Variants in RHBDL2 observed in about 807,000 individuals in gnomAD.
RHBDL2 encodes rhomboid like 2.
Under a neutral mutation model 31.7 loss-of-function variants are expected in RHBDL2, and 26 were observed. The ratio of observed to expected loss-of-function variants is 0.82; its 90% CI spans 0.60 to 1.14. The LOEUF is 1.14. Among genes scored for constraint, RHBDL2 ranks in the 50% most tolerant of loss-of-function variants. RHBDL2 has a pLI of 0.00. For synonymous variants in RHBDL2, 123 were observed against 127.2 expected, an observed-to-expected ratio of 0.97 and a Z score of 0.22; for missense variants, 336 against 364.4, an observed-to-expected ratio of 0.92 and a Z score of 0.63.
chr1:38,893,040 C>A (rs890871508), intron 6 of RHBDL2, 124 bp downstream of exon 6: 2 of 534,872 alleles, frequency 3.7e-6, no homozygotes, highest in South Asian at 3.4e-5. Context: ...ATACCATAGA[C>A]CTCCCAGGTC....
intron 1 of RHBDL2, among the ~76,000 whole-genome samples, chr1:38,929,168 T>C (rs914033581): frequency 6.6e-6 from 1 of 152,198 alleles, no homozygotes; most frequent in Non-Finnish European, 1.5e-5. Flanking sequence ...CCTGTACTCT[T>C]AGCTCCCTCT....
At chr1:38,894,345 T>C (rs1280190746) in intron 5 of RHBDL2, among the ~76,000 whole-genome samples, 1 of 151,950 alleles carries the variant, frequency 6.6e-6, no homozygotes, top group African/African-American at 2.4e-5. Context: ...GTTGTTTGAG[T>C]TGGAGTCTCA....
chr1:38,896,747 AT>A (rs1642923382), intron 4 of RHBDL2, among the ~76,000 whole-genome samples: 2 of 152,174 alleles, frequency 1.3e-5, no homozygotes, highest in African/African-American at 4.8e-5. Flanking sequence ...CTAATCCTAG[AT>A]TTACTGGACC....
At chr1:38,887,568 G>A (rs532170332) in intron 7 of RHBDL2, among the ~76,000 whole-genome samples, 2 of 152,276 alleles carry the variant, frequency 1.3e-5, no homozygotes, top group African/African-American at 4.8e-5. Context: ...GGGATTACAG[G>A]TGACTGCCAC....
chr1:38,925,174 A>T (rs1452027091), intron 1 of RHBDL2, among the ~76,000 whole-genome samples: 1 of 152,094 alleles, frequency 6.6e-6, no homozygotes, highest in Non-Finnish European at 1.5e-5. Context: ...TGCACTACAT[A>T]CCACATAGTG....
At chr1:38,920,166 C>CT (rs71057165) in intron 1 of RHBDL2, among the ~76,000 whole-genome samples, 72,662 of 110,406 alleles carry the variant, frequency 0.66, 25,713 homozygotes, top group Admixed American at 0.7. Flanking sequence ...CACATGTTTT[C>CT]TTTTTTTTTT....
intron 5 of RHBDL2, among the ~76,000 whole-genome samples, chr1:38,894,424 G>A (rs565762427): frequency 6.6e-6 from 1 of 152,206 alleles, no homozygotes; most frequent in Admixed American, 6.6e-5. Flanking sequence ...CCGGGTTCAA[G>A]CGATTCTCCT....
chr1:38,906,812 A>G (rs1643072907), intron 4 of RHBDL2, among the ~76,000 whole-genome samples: 1 of 152,240 alleles, frequency 6.6e-6, no homozygotes, highest in South Asian at 2.1e-4. Flanking sequence ...GAAACACTCA[A>G]TATAGAAAAT....
At chr1:38,925,129 G>A (rs16866188) in intron 1 of RHBDL2, among the ~76,000 whole-genome samples, 8,939 of 152,110 alleles carry the variant, frequency 0.059, 391 homozygotes, top group East Asian at 0.2. Context: ...CCTGACATTT[G>A]CAAGAGATTT....
At chr1:38,929,573 T>G in intron 1 of RHBDL2, 1 of 1,288,086 alleles carries the variant, frequency 7.8e-7, no homozygotes. Flanking sequence ...ACCCATTCAT[T>G]GGTACCAGGC....
chr1:38,914,311 G>A (rs190096541), intron 3 of RHBDL2, among the ~76,000 whole-genome samples: 14 of 151,524 alleles, frequency 9.2e-5, no homozygotes, highest in African/African-American at 2.9e-4. Flanking sequence ...GCGCGATCTC[G>A]GCACACTGCA....
intron 4 of RHBDL2, among the ~76,000 whole-genome samples, chr1:38,903,912 A>G (rs1174758599): frequency 6.6e-6 from 1 of 152,218 alleles, no homozygotes; most frequent in Non-Finnish European, 1.5e-5. Flanking sequence ...TAACACACTC[A>G]TATATACAAA....
chr1:38,919,066 G>C lies in RHBDL2; in HGVS notation c.147C>G (p.Val49=). The C allele has an allele frequency of 1.2e-6, 2 of 1,614,160 alleles. No homozygotes were observed. The highest frequency in any genetic ancestry group is 1.7e-6 in the Non-Finnish European group (2 of 1,180,032). Residue 49 remains valine, a synonymous_variant, in exon 2 of 8, where the codon GTC becomes GTG. Coordinates refer to ENST00000372990, the MANE Select transcript of RHBDL2 (RefSeq NM_017821.5). ...ACTTTTCGGGCAGCATCCATTTTGAGACAATCCTGTGGACCTTTTTACTCT... is the reference window on the plus strand; with the variant it reads ...ACTTTTCGGGCAGCATCCATTTTGACACAATCCTGTGGACCTTTTTACTCT... ...RAKSKKVHRI[V]SKWMLPEKSR...
At chr1:38,941,639 G>C (rs1643560404) in intron 1 of RHBDL2, 43 bp downstream of exon 1, 1 of 152,658 alleles carries the variant, frequency 6.6e-6, no homozygotes, top group Non-Finnish European at 1.5e-5. Flanking sequence ...CCCTTGTCCT[G>C]ACATAGGACT....
At position 38,930,168 on chromosome 1, in the gene RHBDL2, C is replaced by T. The variant is rs145575726; in HGVS notation, c.-125-10831G>A. Among the ~76,000 whole-genome samples, 8 of 152,216 alleles carry T rather than the reference C, an allele frequency of 5.3e-5. No individual in the cohort carries two copies. The East Asian group carries it at 1.5e-3, about 29-fold the overall frequency. On this transcript the variant is annotated intron_variant, in intron 1 of 7. Transcript: ENST00000372990. ...ATGGTTCAGGGTAGGGGGACCAGAGCCCCAGTCACATGCAGGGCCTCTCGG... is the reference window on the plus strand; with the variant it reads ...ATGGTTCAGGGTAGGGGGACCAGAGTCCCAGTCACATGCAGGGCCTCTCGG...
At chr1:38,886,793 C>A (rs1570908447) in intron 7 of RHBDL2, 110 bp from the exon 8 acceptor site, 2 of 872,050 alleles carry the variant, frequency 2.3e-6, no homozygotes, top group East Asian at 5.6e-5. Flanking sequence ...AAACAAGAGT[C>A]TTAAAGGTCT....
intron 3 of RHBDL2, among the ~76,000 whole-genome samples, chr1:38,912,908 A>ATGTG (rs1275947345): frequency 2.5e-4 from 9 of 35,320 alleles, no homozygotes; most frequent in Non-Finnish European, 3.3e-4. Flanking sequence ...ATATATATAT[A>ATGTG]TATGTGTGTG....
chr1:38,933,109 A>G (rs774830449), intron 1 of RHBDL2, among the ~76,000 whole-genome samples: 7 of 152,188 alleles, frequency 4.6e-5, no homozygotes, highest in Non-Finnish European at 7.3e-5. Context: ...ATCCTATATG[A>G]CCTAGCTCCT....
At chr1:38,936,498 T>C (rs1356783295) in intron 1 of RHBDL2, among the ~76,000 whole-genome samples, 10 of 144,002 alleles carry the variant, frequency 6.9e-5, no homozygotes, top group Non-Finnish European at 1.5e-5. Flanking sequence ...TTTTGCTTTT[T>C]GGGTTTTTTT....
Sources: gnomAD v4.1 joint callset for allele counts (sites outside exome capture counted in the v4.1 genomes callset) on GRCh38, gnomAD v4.1.1 for gene constraint, MANE v1.5 for transcripts, NCBI Gene and HGNC (gene_info 2026-07-23, HGNC 2026-07-21) for gene names.